The following CALN1 variants were observed in gnomAD, a reference collection of about 807,000 sequenced individuals.
The protein encoded by CALN1 is calneuron 1, also known as calcium-binding protein 8.
CALN1 carries 17 observed loss-of-function variants against 30.6 expected under a neutral mutation model. The ratio of observed to expected loss-of-function variants is 0.56; its 90% CI spans 0.38 to 0.83. The LOEUF is 0.83. Ranked by LOEUF, CALN1 falls within the 40% of genes least tolerant of loss-of-function variation. The pLI is 0.00. For synonymous variants in CALN1, 156 were observed against 131.4 expected, an observed-to-expected ratio of 1.19 and a Z score of -1.28; for missense variants, 291 against 354.9, an observed-to-expected ratio of 0.82 and a Z score of 1.45.
rs527846905 is a variant in CALN1, at chr7:71,909,295, A to G, written c.502-98803T>C. On this transcript the variant is annotated intron_variant, in intron 5 of 6. Transcript: ENST00000395275. ...TGAGCCACTGTGCCCAGCCTGTATGATGTTTAATTTTGAGTTTCTCATTGC... is the reference window on the plus strand; with the variant it reads ...TGAGCCACTGTGCCCAGCCTGTATGGTGTTTAATTTTGAGTTTCTCATTGC... 2.6e-5 allele frequency among the ~76,000 whole-genome samples: 4 copies of G among 152,300 alleles called. No individual in the cohort carries two copies. The South Asian group carries it at 8.3e-4, about 32-fold the overall frequency.
At chr7:71,824,391 A>C (rs1788787777) in intron 5 of CALN1, among the ~76,000 whole-genome samples, 1 of 152,028 alleles carries the variant, frequency 6.6e-6, no homozygotes, top group Non-Finnish European at 1.5e-5. Context: ...TGCATGGAAA[A>C]AGCAGACTAA....
At chr7:72,103,589 T>C (rs1806854893) in intron 4 of CALN1, among the ~76,000 whole-genome samples, 1 of 152,138 alleles carries the variant, frequency 6.6e-6, no homozygotes, top group Non-Finnish European at 1.5e-5. Context: ...TTGAGCCAAA[T>C]GGGGCAGAGA....
Position 71,785,130 on chromosome 7 carries a change from A to C in CALN1, c.*2645T>G, listed in dbSNP as rs933635326. The C allele has an allele frequency of 5.5e-6, 2 of 365,512 alleles. No individual in the cohort carries two copies. Among genetic ancestry groups the C allele is most frequent in the Admixed American group, 9.3e-5 (2 of 21,608 alleles). 22.6% of individuals were successfully genotyped at this position (365,512 alleles called of 1,614,324 possible). A position where few individuals can be genotyped will look rare whatever the true frequency, so the allele number is the denominator to read the frequency against. ...CACATGGGGGGTTACCACAGTGGGA[A>C]GATAACTCCTAGGCTGTCAGAAAGA... On this transcript the variant is annotated 3_prime_UTR_variant, in exon 7 of 7. Transcript: ENST00000395275.
At chr7:71,934,916 T>A (rs1795750554) in intron 5 of CALN1, among the ~76,000 whole-genome samples, 1 of 151,932 alleles carries the variant, frequency 6.6e-6, no homozygotes, top group African/African-American at 2.4e-5. Context: ...AACCATCAGA[T>A]CTTGTAGCAC....
chr7:72,065,442 T>C (rs564632024), intron 4 of CALN1, among the ~76,000 whole-genome samples: 2 of 152,074 alleles, frequency 1.3e-5, no homozygotes, highest in African/African-American at 2.4e-5. Context: ...ACAGACTCAT[T>C]CTTCTTTTGC....
chr7:71,997,451 C>T (rs1767314815), intron 5 of CALN1, among the ~76,000 whole-genome samples: 1 of 152,022 alleles, frequency 6.6e-6, no homozygotes, highest in South Asian at 2.1e-4. Context: ...TTAAAAAATT[C>T]AACGCTCATC....
chr7:72,053,159 G>A lies in CALN1; in HGVS notation c.389-29390C>T, dbSNP rs571121347. ...GCAGGAGAATCGCTTGAGCCCAGGA[G>A]GTGGAGTTTGCAGTGAGCCATGATC... On this transcript the variant is annotated intron_variant, in intron 4 of 6. Coordinates refer to ENST00000395275, the MANE Select transcript of CALN1 (RefSeq NM_031468.4). 5.9e-5 allele frequency among the ~76,000 whole-genome samples: 9 copies of A among 152,318 alleles called. No homozygotes were observed. The East Asian group carries it at 1.5e-3, about 26-fold the overall frequency.
intron 2 of CALN1, among the ~76,000 whole-genome samples, chr7:72,291,035 T>G (rs1798444103): frequency 6.6e-6 from 1 of 152,002 alleles, no homozygotes; most frequent in African/African-American, 2.4e-5. Context: ...GCAATTCTCC[T>G]GCCTCAGCAT....
intron 5 of CALN1, among the ~76,000 whole-genome samples, chr7:71,997,155 C>T (rs1799292585): frequency 6.6e-6 from 1 of 152,024 alleles, no homozygotes; most frequent in Non-Finnish European, 1.5e-5. Flanking sequence ...ATGGCTTGAG[C>T]CCAGGATTTG....
intron 5 of CALN1, among the ~76,000 whole-genome samples, chr7:71,895,270 A>T (rs1460548346): frequency 6.6e-6 from 1 of 151,694 alleles, no homozygotes; most frequent in African/African-American, 2.4e-5. Flanking sequence ...TTTCATTTTC[A>T]ATTTGTGTGT....
intron 3 of CALN1, among the ~76,000 whole-genome samples, chr7:72,185,440 G>T (rs768786867): frequency 5.9e-5 from 9 of 152,172 alleles, no homozygotes; most frequent in Non-Finnish European, 1.3e-4. Context: ...CCTGGGATTC[G>T]CAGAGGAAGG....
intron 5 of CALN1, among the ~76,000 whole-genome samples, chr7:71,970,959 G>C (rs146685846): frequency 0.012 from 1,817 of 152,278 alleles, 16 homozygotes; most frequent in Middle Eastern, 0.02. Context: ...AGGTTCACTC[G>C]GCATTCCCAG....
chr7:71,979,969 T>C (rs1798308514), intron 5 of CALN1, among the ~76,000 whole-genome samples: 2 of 140,984 alleles, frequency 1.4e-5, no homozygotes, highest in African/African-American at 2.6e-5. Context: ...CATTTACCTC[T>C]CAGGTTCAAG....
chr7:72,073,670 C>A (rs1364194449), intron 4 of CALN1, among the ~76,000 whole-genome samples: 9 of 151,208 alleles, frequency 6.0e-5, no homozygotes, highest in African/African-American at 2.2e-4. Flanking sequence ...CCCTCCCCTC[C>A]CCTCCCTTCT....
At chr7:72,304,044 C>CT (rs559232921) in intron 2 of CALN1, among the ~76,000 whole-genome samples, 118 of 152,190 alleles carry the variant, frequency 7.8e-4, no homozygotes, top group African/African-American at 2.6e-3. Flanking sequence ...GCCTGCCACT[C>CT]TAAGAGTCAG....
intron 4 of CALN1, among the ~76,000 whole-genome samples, chr7:72,052,487 C>T (rs1201248378): frequency 6.6e-6 from 1 of 152,090 alleles, no homozygotes; most frequent in Non-Finnish European, 1.5e-5. Context: ...TCACTGACTA[C>T]TGACCACCCG....
At position 72,174,052 on chromosome 7, in the gene CALN1, A is replaced by G. The variant is rs912264266; in HGVS notation, c.245-67758T>C. Among the ~76,000 whole-genome samples, 4 of 152,126 alleles carry G rather than the reference A, an allele frequency of 2.6e-5. No homozygotes were observed. The East Asian group carries it at 7.7e-4, about 29-fold the overall frequency. On this transcript the variant is annotated intron_variant, in intron 3 of 6. Coordinates refer to ENST00000395275, the MANE Select transcript of CALN1 (RefSeq NM_031468.4). The stretch of plus-strand genomic sequence containing the variant: ...ACATGCATGCAAACAAAGAACTTAT[A>G]TCTAGTATATATAAAGAATTTATAT...
chr7:71,981,624 T>C (rs1798397685), intron 5 of CALN1, among the ~76,000 whole-genome samples: 1 of 151,370 alleles, frequency 6.6e-6, no homozygotes, highest in Admixed American at 6.6e-5. Flanking sequence ...ACCACTGCAC[T>C]ACAGCTTGAG....
At position 71,827,050 on chromosome 7, in the gene CALN1, C is replaced by T. The variant is rs901050418; in HGVS notation, c.502-16558G>A. 5.9e-5 allele frequency among the ~76,000 whole-genome samples: 9 copies of T among 152,144 alleles called. No individual in the cohort carries two copies. In the East Asian group the frequency reaches 1.2e-3, roughly 20 times the overall value. On this transcript the variant is annotated intron_variant, in intron 5 of 6. Coordinates refer to ENST00000395275, the MANE Select transcript of CALN1 (RefSeq NM_031468.4). ...GATGCACGTAGGGATAGGGTGCAGC[C>T]GGAGTCCAGGTCACGTCGCAGAGCC... is the stretch of plus-strand genomic sequence containing the variant.
Sources: gnomAD v4.1 joint callset for allele counts (sites outside exome capture counted in the v4.1 genomes callset) on GRCh38, gnomAD v4.1.1 for gene constraint, MANE v1.5 for transcripts, NCBI Gene and HGNC (gene_info 2026-07-23, HGNC 2026-07-21) for gene names.